CABS1: variants seen among roughly 807,000 people sequenced by gnomAD.
The protein encoded by CABS1 is calcium-binding and spermatid-specific protein 1.
For missense variants in CABS1, 500 were observed against 464.3 expected, an observed-to-expected ratio of 1.08 and a Z score of -0.71; for synonymous variants, 195 against 169.0, an observed-to-expected ratio of 1.15 and a Z score of -1.19.
chr4:70,335,833 T>A lies in CABS1; in HGVS notation c.794T>A (p.Ile265Asn), dbSNP rs1731714362. 1.2e-6 allele frequency: 2 copies of A among 1,613,488 alleles called. No individual in the cohort carries two copies. The highest frequency in any genetic ancestry group is 1.7e-6 in the Non-Finnish European group (2 of 1,179,746). ...ATLTDSDEKFITVFELTTSAE... is the reference protein window; with the variant it reads ...ATLTDSDEKFNTVFELTTSAE... ...TTAACTGACTCTGATGAGAAGTTTA[T>A]CACTGTGTTTGAACTCACTACCTCT... The change falls in exon 1 of 2, where the codon ATC becomes AAC. Residue 265 changes from isoleucine to asparagine, a missense_variant. By Grantham distance (149) the Ile-to-Asn change is moderately radical (BLOSUM62 -3). Transcript: ENST00000273936.
rs1359706223 is a variant in CABS1, at chr4:70,335,214, G to A, written c.175G>A (p.Asp59Asn). ...TSVNEYMLES[D>N]FSTTTDNKLT... ...AGTAAATGAATATATGCTAGAAAGC[G>A]ATTTTTCAACAACTACAGACAACAA... The change falls in exon 1 of 2, where the codon GAT becomes AAT. Residue 59 changes from aspartate (D) to asparagine (N), a missense_variant. Transcript: ENST00000273936. 1.9e-6 allele frequency: 3 copies of A among 1,613,698 alleles called. No individual in the cohort carries two copies. Among genetic ancestry groups the A allele is most frequent in the South Asian group, 1.1e-5 (1 of 91,044 alleles).
Position 70,335,758 on chromosome 4 carries a change from C to G in CABS1, c.719C>G (p.Thr240Ser), listed in dbSNP as rs368441525. The change falls in exon 1 of 2, where the codon ACC becomes AGC. Residue 240 changes from threonine to serine, a missense_variant. Thr to Ser is a moderately conservative substitution (Grantham distance 58). Transcript: ENST00000273936. ...DITALEEEKI[T>S]EIDLSVLEDD... The stretch of plus-strand genomic sequence containing the variant: ...ACTGCCCTTGAAGAAGAGAAAATAA[C>G]CGAAATTGACCTAAGTGTTTTAGAA... 1 of 1,613,502 alleles carries G rather than the reference C, an allele frequency of 6.2e-7. No homozygotes were observed. The highest frequency in any genetic ancestry group is 8.5e-7 in the Non-Finnish European group (1 of 1,179,722).
At chr4:70,336,892 C>A (rs1287358780) in intron 1 of CABS1, 74 bp from the exon 2 acceptor site, 1 of 152,316 alleles carries the variant, frequency 6.6e-6, no homozygotes, top group Non-Finnish European at 1.5e-5. Flanking sequence ...GAAAAATGTT[C>A]TGTAAACATA....
chr4:70,335,915 C>A lies in CABS1; in HGVS notation c.876C>A (p.Thr292=). The A allele has an allele frequency of 6.2e-7, 1 of 1,613,474 alleles. No individual in the cohort carries two copies. The highest frequency in any genetic ancestry group is 1.1e-5 in the South Asian group (1 of 91,058). ...CTCTGCTAACTGATGAAGAAACTACCGAGGGAGCCAGTATTTGGATGGAGA... is the reference window on the plus strand; with the variant it reads ...CTCTGCTAACTGATGAAGAAACTACAGAGGGAGCCAGTATTTGGATGGAGA... The part of the protein sequence containing the change: ...EDTLLTDEET[T]EGASIWMERD... The change falls in exon 1 of 2, where the codon ACC becomes ACA. Residue 292 remains threonine (T), a synonymous_variant. Transcript: ENST00000273936.
Position 70,336,109 on chromosome 4 carries a change from A to G in CABS1, c.1070A>G (p.Glu357Gly). 1 of 1,613,282 alleles carries G rather than the reference A, an allele frequency of 6.2e-7. No individual in the cohort carries two copies. The highest frequency in any genetic ancestry group is 8.5e-7 in the Non-Finnish European group (1 of 1,179,522). ...ACAGAGACTGTACCTAAGATCACTG[A>G]GCCATTTTCTGGAACTACCTCTGTA... is the stretch of plus-strand genomic sequence containing the variant. ...DNTETVPKIT[E>G]PFSGTTSVLD... The change falls in exon 1 of 2, where the codon GAG (glutamate) becomes GGG (glycine). Residue 357 changes from glutamate (E) to glycine (G), a missense_variant. Coordinates refer to ENST00000273936, the MANE Select transcript of CABS1 (RefSeq NM_033122.4).
chr4:70,336,220 T>A lies in CABS1; in HGVS notation c.1181T>A (p.Met394Lys). The A allele has an allele frequency of 1.2e-6, 2 of 1,607,684 alleles. No individual in the cohort carries two copies. The highest frequency in any genetic ancestry group is 1.7e-6 in the Non-Finnish European group (2 of 1,177,314). Reference sequence around the variant, plus strand: ...CTGAAAGAAGAACCCGATGAGTTCATGATTTAAAAGCAACAAAAGGGATAC... The same window carrying A: ...CTGAAAGAAGAACCCGATGAGTTCAAGATTTAAAAGCAACAAAAGGGATAC... ...ELLKEEPDEF[M>K]I The change falls in exon 1 of 2, where the codon ATG (methionine) becomes AAG (lysine). Residue 394 changes from methionine to lysine, a missense_variant. By Grantham distance (95) the Met-to-Lys change is moderately conservative. Transcript: ENST00000273936.
rs747306873 is a variant in CABS1, at chr4:70,335,390, A to C, written c.351A>C (p.Pro117=). 1 of 1,613,634 alleles carries C rather than the reference A, an allele frequency of 6.2e-7. No individual in the cohort carries two copies. Among genetic ancestry groups the C allele is most frequent in the African/African-American group, 1.3e-5 (1 of 74,892 alleles). The part of the protein sequence containing the change: ...TRDSITEHFM[P]VKIGNISSPV... ...ACTCTATTACCGAACATTTCATGCCAGTGAAAATTGGGAATATTTCATCAC... is the reference window on the plus strand; with the variant it reads ...ACTCTATTACCGAACATTTCATGCCCGTGAAAATTGGGAATATTTCATCAC... The change falls in exon 1 of 2, where the codon CCA becomes CCC. Residue 117 remains proline (P), a synonymous_variant. Coordinates refer to ENST00000273936, the MANE Select transcript of CABS1 (RefSeq NM_033122.4).
chr4:70,335,668 C>T lies in CABS1; in HGVS notation c.629C>T (p.Ser210Phe). ...GATGAGGCTGTCCAGGTCACTGATT[C>T]CACTATTCCTGAGGCTGAAATCCCT... Reference protein sequence around the residue: ...PADEAVQVTDSTIPEAEIPPA... With the variant: ...PADEAVQVTDFTIPEAEIPPA... The change falls in exon 1 of 2, where the codon TCC (serine) becomes TTC (phenylalanine). Residue 210 changes from serine to phenylalanine, a missense_variant. By Grantham distance (155) the Ser-to-Phe change is radical. Coordinates refer to ENST00000273936, the MANE Select transcript of CABS1 (RefSeq NM_033122.4). The T allele has an allele frequency of 1.2e-6, 2 of 1,613,584 alleles. No homozygotes were observed. The highest frequency in any genetic ancestry group is 1.7e-6 in the Non-Finnish European group (2 of 1,179,786).
Position 70,336,149 on chromosome 4 carries a change from C to T in CABS1, c.1110C>T (p.Asp370=). The change falls in exon 1 of 2, where the codon GAC becomes GAT. Residue 370 remains aspartate, a synonymous_variant. Transcript: ENST00000273936. ...CTACCTCTGTATTAGATACCCCAGA[C>T]TATAAGGAAGACACCTCCACAACTG... ...SGTTSVLDTP[D]YKEDTSTTET... 6.2e-7 allele frequency: 1 copy of T among 1,613,166 alleles called. No individual in the cohort carries two copies. The highest frequency in any genetic ancestry group is 8.5e-7 in the Non-Finnish European group (1 of 1,179,468).
At position 70,335,460 on chromosome 4, in the gene CABS1, AAAG is replaced by A; in HGVS notation, c.426_428del (p.Glu142del). The A allele has an allele frequency of 1.2e-6, 2 of 1,613,724 alleles. No individual in the cohort carries two copies. Among genetic ancestry groups the A allele is most frequent in the Non-Finnish European group, 1.7e-6 (2 of 1,179,804 alleles). On this transcript the variant is annotated inframe_deletion, in exon 1 of 2. Coordinates refer to ENST00000273936, the MANE Select transcript of CABS1 (RefSeq NM_033122.4). The stretch of plus-strand genomic sequence containing the variant: ...AATAGATTTTTCCACTGACATAGCA[AAAG>A]AAGATATCCTCTTAGCTACCATTGA...
rs1485826589 is a variant in CABS1, at chr4:70,336,357, G to A, written c.*119+11G>A. ...ATGTGGGCATTTAAGGCAAGTATTCGACTCAATAAATGCAGATGCTTAGGA... is the reference window on the plus strand; with the variant it reads ...ATGTGGGCATTTAAGGCAAGTATTCAACTCAATAAATGCAGATGCTTAGGA... On this transcript the variant is annotated intron_variant, in intron 1 of 1. Transcript: ENST00000273936. 9 of 1,293,682 alleles carry A rather than the reference G, an allele frequency of 7.0e-6. No individual in the cohort carries two copies. Among genetic ancestry groups the A allele is most frequent in the East Asian group, 2.6e-5 (1 of 38,448 alleles). 80.1% of individuals were successfully genotyped at this position (1,293,682 alleles called of 1,614,324 possible). A position where few individuals can be genotyped will look rare whatever the true frequency, so the allele number is the denominator to read the frequency against.
In CABS1 at chr4:70,335,201, T is replaced by A; in HGVS notation, c.162T>A (p.Tyr54Ter). ...ACCACGTCACTTCAGTAAATGAATA[T>A]ATGCTAGAAAGCGATTTTTCAACAA... ...EGDHVTSVNE[Y>*]MLESDFSTTT... Residue 54 changes from tyrosine to a stop codon, truncating the protein, a stop_gained, in exon 1 of 2, where the codon TAT becomes TAA. Coordinates refer to ENST00000273936, the MANE Select transcript of CABS1 (RefSeq NM_033122.4). LOFTEE classifies it low-confidence loss of function (END_TRUNC). 6.2e-7 allele frequency: 1 copy of A among 1,613,748 alleles called. No individual in the cohort carries two copies. Among genetic ancestry groups the A allele is most frequent in the Non-Finnish European group, 8.5e-7 (1 of 1,179,834 alleles).
rs1731743011 is a variant in CABS1 at position 70,337,021 on chromosome 4, C to T, written c.*175C>T. 1 of 151,686 alleles carries T rather than the reference C, an allele frequency of 6.6e-6. No homozygotes were observed. Among genetic ancestry groups the T allele is most frequent in the Non-Finnish European group, 1.5e-5 (1 of 67,524 alleles). The allele number at this position is 151,686 out of a possible 1,614,324, so 9.4% of individuals were successfully genotyped here. A position where few individuals can be genotyped will look rare whatever the true frequency, so the allele number is the denominator to read the frequency against. On this transcript the variant is annotated 3_prime_UTR_variant, in exon 2 of 2. Transcript: ENST00000273936. ...ATGACTCTTGTTAGCGATTCAAGGA[C>T]ATAAATCTTCATTCTTTTCTGGCAC...
intron 1 of CABS1, 30 bp downstream of exon 1, chr4:70,336,376 C>A: frequency 1.9e-6 from 2 of 1,074,834 alleles, no homozygotes; most frequent in Non-Finnish European, 2.6e-6. Flanking sequence ...AATGCAGATG[C>A]TTAGGACTAC....
chr4:70,336,361 C>A lies in CABS1; in HGVS notation c.*119+15C>A. On this transcript the variant is annotated intron_variant, in intron 1 of 1. Transcript: ENST00000273936. ...GGGCATTTAAGGCAAGTATTCGACT[C>A]AATAAATGCAGATGCTTAGGACTAC... is the stretch of plus-strand genomic sequence containing the variant. 9.9e-6 allele frequency: 12 copies of A among 1,211,198 alleles called. No individual in the cohort carries two copies. Among genetic ancestry groups the A allele is most frequent in the East Asian group, 2.8e-5 (1 of 36,056 alleles). 75.0% of individuals were successfully genotyped at this position (1,211,198 alleles called of 1,614,324 possible).
Position 70,335,313 on chromosome 4 carries a change from C to G in CABS1, c.274C>G (p.Leu92Val). The change falls in exon 1 of 2, where the codon CTA becomes GTA. Residue 92 changes from leucine to valine, a missense_variant. Transcript: ENST00000273936. Reference sequence around the variant, plus strand: ...CGACTTTATTAAGTCAACAACTCACCTACAGAAAGAAATTACCTCTCTGAC... The same window carrying G: ...CGACTTTATTAAGTCAACAACTCACGTACAGAAAGAAATTACCTCTCTGAC... Reference protein sequence around the residue: ...GTDFIKSTTHLQKEITSLTGT... With the variant: ...GTDFIKSTTHVQKEITSLTGT... 2.5e-6 allele frequency: 4 copies of G among 1,613,788 alleles called. No individual in the cohort carries two copies. The highest frequency in any genetic ancestry group is 3.4e-6 in the Non-Finnish European group (4 of 1,179,874).
At chr4:70,336,472 A>G in intron 1 of CABS1, 126 bp downstream of exon 1, 1 of 376,654 alleles carries the variant, frequency 2.7e-6, no homozygotes, top group Non-Finnish European at 4.7e-6. Flanking sequence ...CAATATTCTA[A>G]CAATTACTTA....
At chr4:70,336,392 A>C in intron 1 of CABS1, 46 bp downstream of exon 1, 2 of 898,670 alleles carry the variant, frequency 2.2e-6, no homozygotes, top group Non-Finnish European at 1.6e-6. Context: ...ACTACAGGTC[A>C]TGTAACAGAT....
rs1348429560 is a variant in CABS1, at chr4:70,336,295, A to T, written c.*68A>T. The T allele has an allele frequency of 1.3e-6, 2 of 1,495,750 alleles. No individual in the cohort carries two copies. Among genetic ancestry groups the T allele is most frequent in the African/African-American group, 2.8e-5 (2 of 70,768 alleles). 92.7% of individuals were successfully genotyped at this position (1,495,750 alleles called of 1,614,324 possible). A position where few individuals can be genotyped will look rare whatever the true frequency, so the allele number is the denominator to read the frequency against. On this transcript the variant is annotated 3_prime_UTR_variant, in exon 1 of 2. Coordinates refer to ENST00000273936, the MANE Select transcript of CABS1 (RefSeq NM_033122.4). ...GCCAGCTAGCCTTAACATCTAAGAA[A>T]TTTTTCCAACAAGCAAAAACCTTTA...
Sources: allele counts gnomAD v4.1 joint callset, GRCh38; gene constraint gnomAD v4.1.1; transcripts MANE v1.5; gene names NCBI Gene and HGNC (gene_info 2026-07-23, HGNC 2026-07-21).